Variants in USP54 observed in about 807,000 individuals in gnomAD.
USP54 encodes ubiquitin carboxyl-terminal hydrolase 54.
Under a neutral mutation model 170.5 loss-of-function variants are expected in USP54, and 87 were observed. That is an observed-to-expected ratio of 0.51 (90% CI 0.43 to 0.61). USP54 has a LOEUF of 0.61. USP54 is among the 20% of genes least tolerant of loss of function. USP54 has a pLI of 0.00. For synonymous variants in USP54, 655 were observed against 742.8 expected (o/e 0.88, Z 1.92); for missense variants, 1,786 against 2,047.8 (o/e 0.87, Z 2.47).
chr10:73,515,424 T>C (rs1176879744), intron 20 of USP54, among the ~76,000 whole-genome samples: 2 of 152,190 alleles, frequency 1.3e-5, no homozygotes, highest in African/African-American at 4.8e-5. Context: ...TCAATGTAAG[T>C]TACAAACATT....
intron 4 of USP54, among the ~76,000 whole-genome samples, chr10:73,558,927 C>A (rs1352602127): frequency 1.3e-5 from 2 of 152,018 alleles, no homozygotes; most frequent in African/African-American, 4.8e-5. Context: ...ATAACTTTTT[C>A]TTAATTTTTT....
intron 1 of USP54, among the ~76,000 whole-genome samples, chr10:73,622,719 GA>G (rs921322392): frequency 1.3e-5 from 2 of 152,094 alleles, no homozygotes; most frequent in African/African-American, 4.8e-5. Context: ...TTGGGAGGCT[GA>G]GGTGGGAGGA....
At chr10:73,583,779 A>G (rs985190305) in intron 1 of USP54, among the ~76,000 whole-genome samples, 1 of 152,070 alleles carries the variant, frequency 6.6e-6, no homozygotes, top group Non-Finnish European at 1.5e-5. Flanking sequence ...ATTACAATTT[A>G]AAAAAACTGA....
rs772513150 is a variant in USP54, at chr10:73,498,734, G to A, written c.4950C>T (p.His1650=). ...CTCCCACTGTTCTCCTGTGTCCAGAGTGGGAGGCATAACTGCTTTGCCTCC... is the reference window on the plus strand; with the variant it reads ...CTCCCACTGTTCTCCTGTGTCCAGAATGGGAGGCATAACTGCTTTGCCTCC... The part of the protein sequence containing the change: ...DDWRQSSYAS[H]SGHRRTVGEG... Residue 1650 remains histidine, a synonymous_variant, in exon 24 of 24, where the codon CAC becomes CAT. Transcript: ENST00000687698. The A allele has an allele frequency of 5.6e-6, 9 of 1,613,718 alleles. No homozygotes were observed. Among genetic ancestry groups the A allele is most frequent in the South Asian group, 1.1e-5 (1 of 91,022 alleles).
At chr10:73,583,573 A>G (rs1246302464) in intron 1 of USP54, among the ~76,000 whole-genome samples, 1 of 152,214 alleles carries the variant, frequency 6.6e-6, no homozygotes, top group South Asian at 2.1e-4. Flanking sequence ...GGCGTGAGCC[A>G]CTGCACCTGG....
intron 1 of USP54, among the ~76,000 whole-genome samples, chr10:73,611,165 A>G (rs1163285881): frequency 6.6e-6 from 1 of 152,178 alleles, no homozygotes; most frequent in Non-Finnish European, 1.5e-5. Context: ...AAAATAATTC[A>G]CAAATTTATT....
chr10:73,615,751 T>A (rs932364491), intron 1 of USP54, among the ~76,000 whole-genome samples: 1 of 148,698 alleles, frequency 6.7e-6, no homozygotes, highest in Non-Finnish European at 1.5e-5. Context: ...CAAAACCCTT[T>A]TTCTATAAAA....
Position 73,498,994 on chromosome 10 carries a change from G to T in USP54, c.4690C>A (p.Pro1564Thr), listed in dbSNP as rs769393758. 6.2e-7 allele frequency: 1 copy of T among 1,614,114 alleles called. No homozygotes were observed. The highest frequency in any genetic ancestry group is 8.5e-7 in the Non-Finnish European group (1 of 1,180,034). The change falls in exon 24 of 24, where the codon CCT becomes ACT. Residue 1564 changes from proline to threonine, a missense_variant. Physicochemically the swap from Pro to Thr is conservative, Grantham distance 38 (BLOSUM62 -1). Transcript: ENST00000687698. The stretch of plus-strand genomic sequence containing the variant: ...AGTGTGGCAGTGTAGGTTAGTTGAG[G>T]ATTGCACCCTGGAGTAGTCAGGAAT... ...TRFLTTPGCN[P>T]QLTYTATLPE...
intron 20 of USP54, among the ~76,000 whole-genome samples, chr10:73,508,862 T>C (rs1304355699): frequency 6.6e-6 from 1 of 151,876 alleles, no homozygotes; most frequent in Non-Finnish European, 1.5e-5. Context: ...GAGACGGGGT[T>C]TCACCATGTT....
rs551130818 is a variant in USP54 at position 73,574,760 on chromosome 10, G to GA, written c.147+751dup. On this transcript the variant is annotated intron_variant, in intron 3 of 23. Transcript: ENST00000687698. ...CATGGTCCCAGCTACTCAGGAGACT[G>GA]AGGCAGTAGGATCACCTGAGCCCTG... Among the ~76,000 whole-genome samples the GA allele has an allele frequency of 1.2e-3, 185 of 151,684 alleles. 5 individuals carry two copies. The South Asian group carries it at 0.037, about 30-fold the overall frequency.
chr10:73,601,504 T>G, intron 1 of USP54, among the ~76,000 whole-genome samples: 1 of 102,642 alleles, frequency 9.7e-6, no homozygotes, highest in East Asian at 4.4e-4. Flanking sequence ...CAAAAATGCC[T>G]TTTTTTTTTT....
chr10:73,532,397 G>A (rs914558357), intron 12 of USP54, among the ~76,000 whole-genome samples: 1 of 152,014 alleles, frequency 6.6e-6, no homozygotes, highest in Non-Finnish European at 1.5e-5. Flanking sequence ...GGATGGTCTC[G>A]ATCTCCTGAC....
intron 1 of USP54, among the ~76,000 whole-genome samples, chr10:73,582,335 G>A (rs1015297694): frequency 1.1e-4 from 17 of 152,098 alleles, no homozygotes; most frequent in African/African-American, 4.1e-4. Flanking sequence ...GCAAAGCCTG[G>A]GAACCCTTTG....
At chr10:73,603,767 A>T (rs956681965) in intron 1 of USP54, among the ~76,000 whole-genome samples, 9 of 151,992 alleles carry the variant, frequency 5.9e-5, no homozygotes, top group African/African-American at 2.2e-4. Context: ...AACAACAAAA[A>T]AAAAAACTAC....
At chr10:73,579,938 TAAAAAC>T (rs2076659388) in intron 1 of USP54, among the ~76,000 whole-genome samples, 1 of 152,068 alleles carries the variant, frequency 6.6e-6, no homozygotes, top group African/African-American at 2.4e-5. Flanking sequence ...TTAGAATAGT[TAAAAAC>T]AAAAACAAAA....
chr10:73,607,337 GA>G (rs11332379), intron 1 of USP54, among the ~76,000 whole-genome samples: 77,771 of 127,480 alleles, frequency 0.61, 22,788 homozygotes, highest in South Asian at 0.7. Context: ...AAAAAAAAAA[GA>G]AAAAAAAAAA....
chr10:73,529,981 T>TC lies in USP54; in HGVS notation c.1829-71_1829-70insG, dbSNP rs374291227. 10 of 1,495,086 alleles carry TC rather than the reference T, an allele frequency of 6.7e-6. No homozygotes were observed. The African/African-American group carries it at 1.3e-4, about 19-fold the overall frequency. The allele number at this position is 1,495,086 out of a possible 1,614,324, so 92.6% of individuals were successfully genotyped here. ...CATTTGCCTAAAATCAAGACCTAAC[T>TC]AGCTCCTCCCTCTAGCTACTTATTC... On this transcript the variant is annotated intron_variant, in intron 14 of 23. Transcript: ENST00000687698.
At chr10:73,587,722 A>G (rs180985576) in intron 1 of USP54, among the ~76,000 whole-genome samples, 3 of 152,278 alleles carry the variant, frequency 2.0e-5, no homozygotes, top group Admixed American at 6.5e-5. Flanking sequence ...ACTAATAATA[A>G]CATCTATCTC....
chr10:73,624,179 TATATATATATATATATGTA>T (rs1319625644), intron 1 of USP54, among the ~76,000 whole-genome samples: 14 of 110,876 alleles, frequency 1.3e-4, no homozygotes, highest in Middle Eastern at 4.3e-3. Context: ...TATATATATA[TATATATATATATATATGTA>T]TTTTTTTTTT....
Sources: allele counts gnomAD v4.1 joint callset (sites outside exome capture counted in the v4.1 genomes callset), GRCh38; gene constraint gnomAD v4.1.1; transcripts MANE v1.5; gene names NCBI Gene and HGNC (gene_info 2026-07-23, HGNC 2026-07-21).